Variants in HPSE2 observed in about 807,000 individuals in gnomAD.
HPSE2 encodes the protein heparanase 2 (inactive), also known as inactive heparanase-2.
Under a neutral mutation model 60.5 loss-of-function variants are expected in HPSE2, and 38 were observed. The ratio of observed to expected loss-of-function variants is 0.63; its 90% confidence interval spans 0.48 to 0.82. The LOEUF (loss-of-function observed/expected upper bound fraction) is 0.82. Ranked by LOEUF, HPSE2 falls within the 40% of genes least tolerant of loss-of-function variation. The probability of loss-of-function intolerance (pLI) is 0.00; values close to 1 mark genes in which losing one functional copy is unlikely to be tolerated. For missense variants in HPSE2, 713 were observed against 740.4 expected, an observed-to-expected ratio of 0.96 and a Z score of 0.43; for synonymous variants, 295 against 293.2, an observed-to-expected ratio of 1.01 and a Z score of -0.06.
At chr10:99,069,345 T>C (rs1354370142) in intron 3 of HPSE2, among the ~76,000 whole-genome samples, 1 of 151,974 alleles carries the variant, frequency 6.6e-6, no homozygotes, top group Non-Finnish European at 1.5e-5. Flanking sequence ...TCAAAGTCCA[T>C]AAGGTAACAT....
intron 2 of HPSE2, among the ~76,000 whole-genome samples, chr10:99,220,797 G>A (rs577030678): frequency 7.2e-6 from 1 of 139,848 alleles, no homozygotes; most frequent in East Asian, 2.3e-4. Flanking sequence ...AACAGAGTGA[G>A]ACTCCGTCTC....
At chr10:98,493,017 A>C (rs563212992) in intron 9 of HPSE2, among the ~76,000 whole-genome samples, 1 of 152,300 alleles carries the variant, frequency 6.6e-6, no homozygotes, top group South Asian at 2.1e-4. Context: ...CCATCGTTCC[A>C]CTTTCTGCCT....
intron 3 of HPSE2, among the ~76,000 whole-genome samples, chr10:99,122,267 C>G (rs1844983012): frequency 6.6e-6 from 1 of 151,914 alleles, no homozygotes; most frequent in Admixed American, 6.6e-5. Flanking sequence ...TAGTTATGTA[C>G]ATTAAATAAT....
At chr10:98,902,008 A>T (rs920111462) in intron 3 of HPSE2, among the ~76,000 whole-genome samples, 2 of 152,154 alleles carry the variant, frequency 1.3e-5, no homozygotes, top group East Asian at 1.9e-4. Flanking sequence ...AGTGCTCAAC[A>T]TCTAGGTTTC....
chr10:98,937,634 C>T (rs1158064506), intron 3 of HPSE2, among the ~76,000 whole-genome samples: 2 of 143,232 alleles, frequency 1.4e-5, no homozygotes, highest in East Asian at 4.0e-4. Context: ...CTGCCTGCCT[C>T]TGTAGGCTCC....
intron 5 of HPSE2, among the ~76,000 whole-genome samples, chr10:98,711,217 G>A (rs1043524742): frequency 5.3e-5 from 8 of 152,050 alleles, no homozygotes. Context: ...TTGGATTCAA[G>A]CAAAGAAGGC....
intron 9 of HPSE2, among the ~76,000 whole-genome samples, chr10:98,589,230 G>A (rs1945020871): frequency 6.6e-6 from 1 of 152,214 alleles, no homozygotes; most frequent in Admixed American, 6.5e-5. Context: ...CAGCTGTGTA[G>A]TCATAACATC....
chr10:98,911,326 G>A (rs1953972499), intron 3 of HPSE2, among the ~76,000 whole-genome samples: 1 of 152,158 alleles, frequency 6.6e-6, no homozygotes, highest in African/African-American at 2.4e-5. Context: ...AGGCTTCTGA[G>A]GGGGAATAGA....
intron 6 of HPSE2, among the ~76,000 whole-genome samples, chr10:98,680,128 T>C (rs1015308978): frequency 6.6e-6 from 1 of 152,228 alleles, no homozygotes; most frequent in Non-Finnish European, 1.5e-5. Flanking sequence ...CAGTTGATAT[T>C]GCTGAATGCC....
At chr10:98,518,723 AAAG>A (rs1273641801) in intron 9 of HPSE2, among the ~76,000 whole-genome samples, 4 of 151,690 alleles carry the variant, frequency 2.6e-5, no homozygotes, top group Admixed American at 2.6e-4. Flanking sequence ...AAAAAAAAAA[AAAG>A]ATGATACTTT....
intron 3 of HPSE2, among the ~76,000 whole-genome samples, chr10:98,748,611 G>C (rs1565133765): frequency 6.6e-6 from 1 of 152,168 alleles, no homozygotes; most frequent in Admixed American, 6.5e-5. Flanking sequence ...AGATGTAAAA[G>C]TATACAGGCT....
intron 7 of HPSE2, among the ~76,000 whole-genome samples, chr10:98,626,115 A>G (rs1946204175): frequency 1.1e-5 from 1 of 92,268 alleles, no homozygotes; most frequent in African/African-American, 3.7e-5. Context: ...CAAAAAAAAA[A>G]AAGAAAAAGA....
chr10:99,226,661 A>C (rs1173060272), intron 2 of HPSE2, among the ~76,000 whole-genome samples: 1 of 151,736 alleles, frequency 6.6e-6, no homozygotes, highest in Non-Finnish European at 1.5e-5. Context: ...CCCTTTGGAG[A>C]CTCTCTTCTT....
At chr10:99,124,733 T>C (rs571760788) in intron 3 of HPSE2, among the ~76,000 whole-genome samples, 1 of 152,376 alleles carries the variant, frequency 6.6e-6, no homozygotes, top group East Asian at 1.9e-4. Flanking sequence ...CCGAGCCTGC[T>C]GGGGCAGAGG....
At chr10:99,221,341 C>T (rs1849307869) in intron 2 of HPSE2, among the ~76,000 whole-genome samples, 1 of 152,064 alleles carries the variant, frequency 6.6e-6, no homozygotes, top group Admixed American at 6.6e-5. Flanking sequence ...CAAGTACTTA[C>T]TGAAGAGCTA....
At chr10:99,192,122 T>G (rs1411082787) in intron 2 of HPSE2, among the ~76,000 whole-genome samples, 1 of 152,064 alleles carries the variant, frequency 6.6e-6, no homozygotes, top group African/African-American at 2.4e-5. Context: ...AGCCTCAAAA[T>G]GACAAATCTA....
At chr10:98,995,252 CTCCCAAAATTGTA>C (rs2135354316) in intron 3 of HPSE2, among the ~76,000 whole-genome samples, 1 of 152,304 alleles carries the variant, frequency 6.6e-6, no homozygotes, top group Admixed American at 6.5e-5. Flanking sequence ...GCCATCTTGT[CTCCCAAAATTGTA>C]TTTACCATCT....
intron 2 of HPSE2, among the ~76,000 whole-genome samples, chr10:99,209,232 T>C (rs10883293): frequency 0.49 from 75,065 of 152,122 alleles, 21,710 homozygotes; most frequent in Non-Finnish European, 0.64. Flanking sequence ...GGATTGGTCA[T>C]ATATTAGGCC....
At chr10:98,865,811 G>A (rs529823486) in intron 3 of HPSE2, among the ~76,000 whole-genome samples, 1 of 152,222 alleles carries the variant, frequency 6.6e-6, no homozygotes, top group South Asian at 2.1e-4. Flanking sequence ...ATTAGACGGA[G>A]TACTCAGAGA....
Sources: gnomAD v4.1 joint callset for allele counts (sites outside exome capture counted in the v4.1 genomes callset) on GRCh38, gnomAD v4.1.1 for gene constraint, MANE v1.5 for transcripts, NCBI Gene and HGNC (gene_info 2026-07-23, HGNC 2026-07-21) for gene names.